PRKG1: variants seen among roughly 807,000 people sequenced by gnomAD.
PRKG1 encodes the protein protein kinase cGMP-dependent 1.
In PRKG1, 35 loss-of-function variants were observed where a neutral mutation model predicts 88.1. The observed-to-expected ratio is 0.40, with a 90% CI of 0.30 to 0.53. The LOEUF (loss-of-function observed/expected upper bound fraction) is 0.53, where lower values mean the gene tolerates loss of function less well. PRKG1 is among the 20% of genes least tolerant of loss of function. PRKG1 has a pLI of 0.59. For synonymous variants in PRKG1, 303 were observed against 292.5 expected (o/e 1.04, Z -0.37); for missense variants, 540 against 839.8 (o/e 0.64, Z 4.41).
intron 3 of PRKG1, among the ~76,000 whole-genome samples, chr10:51,603,729 A>G (rs1838677811): frequency 6.6e-6 from 1 of 152,246 alleles, no homozygotes; most frequent in Admixed American, 6.5e-5. Flanking sequence ...ACAGGAAGAC[A>G]AATAATACAC....
chr10:51,002,739 G>A (rs1377278892), intron 1 of PRKG1, among the ~76,000 whole-genome samples: 1 of 152,142 alleles, frequency 6.6e-6, no homozygotes, highest in Non-Finnish European at 1.5e-5. Context: ...GTGATTTAAC[G>A]CTGAGGAGAA....
chr10:52,108,918 C>T (rs1450448369), intron 7 of PRKG1, among the ~76,000 whole-genome samples: 1 of 150,832 alleles, frequency 6.6e-6, no homozygotes, highest in Non-Finnish European at 1.5e-5. Flanking sequence ...CCTACTGCCT[C>T]CCAGATTCAA....
intron 2 of PRKG1, among the ~76,000 whole-genome samples, chr10:51,408,856 G>A (rs1287920994): frequency 6.6e-6 from 1 of 152,154 alleles, no homozygotes; most frequent in Non-Finnish European, 1.5e-5. Flanking sequence ...CTTCTGCTGA[G>A]GTCATCCACT....
chr10:52,074,320 G>T (rs1263685211), intron 7 of PRKG1, among the ~76,000 whole-genome samples: 1 of 152,160 alleles, frequency 6.6e-6, no homozygotes, highest in Non-Finnish European at 1.5e-5. Flanking sequence ...AAAGGGATCA[G>T]CTTTTTATAG....
At chr10:51,745,766 TG>T (rs1837560778) in intron 3 of PRKG1, among the ~76,000 whole-genome samples, 1 of 152,200 alleles carries the variant, frequency 6.6e-6, no homozygotes, top group Admixed American at 6.5e-5. Flanking sequence ...CCCAGCACTC[TG>T]GGAGGCTGAG....
intron 3 of PRKG1, among the ~76,000 whole-genome samples, chr10:51,687,283 A>G (rs1430279593): frequency 6.6e-6 from 1 of 152,222 alleles, no homozygotes; most frequent in African/African-American, 2.4e-5. Context: ...TTTCCAATAC[A>G]TTTACTGAAA....
intron 3 of PRKG1, among the ~76,000 whole-genome samples, chr10:51,609,948 C>A (rs536911757): frequency 1.3e-5 from 2 of 152,000 alleles, no homozygotes; most frequent in South Asian, 4.2e-4. Flanking sequence ...CACACATTTA[C>A]CTATGTAACC....
In PRKG1 at chr10:51,141,527, C is replaced by A. The variant is rs564773028; in HGVS notation, c.312-11637C>A. On this transcript the variant is annotated intron_variant, in intron 1 of 17. Coordinates refer to ENST00000373980, the MANE Select transcript of PRKG1 (RefSeq NM_006258.4). The stretch of plus-strand genomic sequence containing the variant: ...GTTTTAAAACCGTCAATCACTATTG[C>A]CTGCATTTACCTGCAGTGGCTGATT... Among the ~76,000 whole-genome samples the A allele has an allele frequency of 5.9e-5, 9 of 152,178 alleles. No homozygotes were observed. In the South Asian group the frequency reaches 1.9e-3, roughly 32 times the overall value.
chr10:51,207,970 T>C (rs1838106705), intron 2 of PRKG1, among the ~76,000 whole-genome samples: 1 of 152,238 alleles, frequency 6.6e-6, no homozygotes, highest in Non-Finnish European at 1.5e-5. Flanking sequence ...CTATTTCTTA[T>C]TCATGGTGTT....
chr10:51,880,919 C>T (rs1034256262), intron 4 of PRKG1, among the ~76,000 whole-genome samples: 1 of 151,686 alleles, frequency 6.6e-6, no homozygotes, highest in African/African-American at 2.4e-5. Flanking sequence ...GGAAGGCAGA[C>T]ATTAAACAAA....
In PRKG1 at chr10:52,085,534, C is replaced by T. The variant is rs576725491; in HGVS notation, c.935+22903C>T. 2.0e-5 allele frequency among the ~76,000 whole-genome samples: 3 copies of T among 151,974 alleles called. No homozygotes were observed. The East Asian group carries it at 5.8e-4, about 29-fold the overall frequency. On this transcript the variant is annotated intron_variant, in intron 7 of 17. Coordinates refer to ENST00000373980, the MANE Select transcript of PRKG1 (RefSeq NM_006258.4). ...GCTTTGTGTCCTTTTGACATGCCCA[C>T]ATCATTTTTTTTCCTCATGAGCACT... is the stretch of plus-strand genomic sequence containing the variant.
intron 3 of PRKG1, among the ~76,000 whole-genome samples, chr10:51,736,913 G>A (rs1203498001): frequency 1.3e-5 from 2 of 151,652 alleles, no homozygotes; most frequent in Non-Finnish European, 2.9e-5. Flanking sequence ...TGGGATTACA[G>A]ATGTGAGCCA....
chr10:51,892,014 G>C (rs1312819867), intron 4 of PRKG1, among the ~76,000 whole-genome samples: 4 of 152,102 alleles, frequency 2.6e-5, no homozygotes, highest in Non-Finnish European at 4.4e-5. Flanking sequence ...TAAAAATATG[G>C]AGCAATTCAC....
At chr10:51,963,571 C>T (rs765037863) in intron 5 of PRKG1, among the ~76,000 whole-genome samples, 8 of 151,950 alleles carry the variant, frequency 5.3e-5, no homozygotes, top group African/African-American at 1.2e-4. Flanking sequence ...GTGATTCTTC[C>T]TGCCTCAGCC....
chr10:51,116,750 G>A (rs766273540), intron 1 of PRKG1, among the ~76,000 whole-genome samples: 19 of 152,148 alleles, frequency 1.2e-4, no homozygotes, highest in Non-Finnish European at 2.1e-4. Context: ...GGAGATGATG[G>A]GAGAGAGGGT....
At chr10:51,280,743 G>T (rs2132200686) in intron 2 of PRKG1, among the ~76,000 whole-genome samples, 1 of 152,246 alleles carries the variant, frequency 6.6e-6, no homozygotes, top group East Asian at 1.9e-4. Context: ...TCTCTACACT[G>T]GTTATTCTAG....
Position 51,149,215 on chromosome 10 carries a change from A to T in PRKG1, c.312-3949A>T, listed in dbSNP as rs537394493. 1.1e-4 allele frequency among the ~76,000 whole-genome samples: 17 copies of T among 152,130 alleles called. No individual in the cohort carries two copies. The South Asian group carries it at 2.5e-3, about 22-fold the overall frequency. ...TTATTTCAGAGAGGCCTTCCTGACC[A>T]CTTAATCTGAACTAGCCTTCCCTAC... On this transcript the variant is annotated intron_variant, in intron 1 of 17. Coordinates refer to ENST00000373980, the MANE Select transcript of PRKG1 (RefSeq NM_006258.4).
At position 51,488,274 on chromosome 10, in the gene PRKG1, C is replaced by T. The variant is rs556136181; in HGVS notation, c.592+20438C>T. 1.2e-4 allele frequency among the ~76,000 whole-genome samples: 18 copies of T among 152,176 alleles called. No individual in the cohort carries two copies. In the South Asian group the frequency reaches 2.3e-3, roughly 19 times the overall value. ...TTGAGCTTTGCATATAACATTTTAA[C>T]GTGACAATTCTCTAGATGTACTTTG... On this transcript the variant is annotated intron_variant, in intron 3 of 17. Coordinates refer to ENST00000373980, the MANE Select transcript of PRKG1 (RefSeq NM_006258.4).
intron 2 of PRKG1, among the ~76,000 whole-genome samples, chr10:51,367,046 T>C (rs1258655172): frequency 6.6e-6 from 1 of 151,964 alleles, no homozygotes; most frequent in African/African-American, 2.4e-5. Flanking sequence ...TAATTTATCA[T>C]TTAAGAAAAC....
Sources: allele counts gnomAD v4.1 joint callset (sites outside exome capture counted in the v4.1 genomes callset), GRCh38; gene constraint gnomAD v4.1.1; transcripts MANE v1.5; gene names NCBI Gene and HGNC (gene_info 2026-07-23, HGNC 2026-07-21).